The following CHL1 variants were observed in gnomAD, a reference collection of about 807,000 sequenced individuals.
CHL1 encodes neural cell adhesion molecule L1-like protein.
In CHL1, 96 loss-of-function variants were observed where a neutral mutation model predicts 141.9. That is an observed-to-expected ratio of 0.68 (90% CI 0.57 to 0.80). The LOEUF is 0.80. Among genes scored for constraint, CHL1 ranks in the 30% least tolerant of loss-of-function variants. The pLI is 0.00. For synonymous variants in CHL1, 613 were observed against 502.2 expected (o/e 1.22, Z -2.95); for missense variants, 1,820 against 1,457.2 (o/e 1.25, Z -4.05).
intron 15 of CHL1, among the ~76,000 whole-genome samples, chr3:367,342 C>A (rs893973107): frequency 8.5e-5 from 13 of 152,196 alleles, no homozygotes; most frequent in African/African-American, 2.9e-4. Context: ...CATGAGACAG[C>A]AACACTGCCA....
chr3:409,244 G>A lies in CHL1; in HGVS notation c.*3533G>A, dbSNP rs953790228. On this transcript the variant is annotated 3_prime_UTR_variant, in exon 28 of 28. Transcript: ENST00000256509. ...AAAGGTATGTAGAACAGGTTCACGT[G>A]ATTACCTTTTTCTTTTGGCTTGGAT... The A allele has an allele frequency of 3.3e-5, 5 of 152,048 alleles. No homozygotes were observed. The highest frequency in any genetic ancestry group is 1.2e-4 in the African/African-American group (5 of 41,430). 9.4% of individuals were successfully genotyped at this position (152,048 alleles called of 1,614,324 possible).
intron 27 of CHL1, among the ~76,000 whole-genome samples, chr3:403,638 C>A (rs549156380): frequency 6.6e-6 from 1 of 152,196 alleles, no homozygotes; most frequent in Admixed American, 6.6e-5. Flanking sequence ...AAAACAAAAA[C>A]AATGCCTTGT....
At position 382,595 on chromosome 3, in the gene CHL1, C is replaced by T. The variant is rs61753583; in HGVS notation, c.2100C>T (p.Phe700=). 454 of 1,613,920 alleles carry T rather than the reference C, an allele frequency of 2.8e-4. No homozygotes were observed. The African/African-American group carries it at 5.2e-3, about 19-fold the overall frequency. The change falls in exon 18 of 28, where the codon TTC becomes TTT. Residue 700 remains phenylalanine, a synonymous_variant. Transcript: ENST00000256509. The part of the protein sequence containing the change: ...LPLAPFVRYQ[F]RVIAVNEVGR... Reference sequence around the variant, plus strand: ...TGGCTCCATTTGTGAGATACCAGTTCAGGGTCATAGCCGTGAACGAAGTAG... The same window carrying T: ...TGGCTCCATTTGTGAGATACCAGTTTAGGGTCATAGCCGTGAACGAAGTAG...
rs1406502455 is a variant in CHL1, at chr3:390,604, C to A, written c.2471-97C>A. 1.3e-5 allele frequency: 9 copies of A among 695,356 alleles called. No homozygotes were observed. The East Asian group carries it at 2.4e-4, about 18-fold the overall frequency. The allele number at this position is 695,356 out of a possible 1,614,324, so 43.1% of individuals were successfully genotyped here. ...ATTTGGAGTGAATTTCACAAAAGTG[C>A]TTTCTCCAGAAGAAACATTATGAAA... On this transcript the variant is annotated intron_variant, in intron 20 of 27. Transcript: ENST00000256509.
chr3:290,641 A>G (rs940164627), intron 2 of CHL1, among the ~76,000 whole-genome samples: 6 of 152,184 alleles, frequency 3.9e-5, no homozygotes, highest in African/African-American at 1.4e-4. Context: ...CCCTGTTCCT[A>G]GAGTACAGTA....
chr3:373,438 G>C (rs758098438), intron 15 of CHL1, among the ~76,000 whole-genome samples: 1 of 152,236 alleles, frequency 6.6e-6, no homozygotes, highest in African/African-American at 2.4e-5. Flanking sequence ...TGTGGGGGAC[G>C]TGTCTTGGGA....
chr3:373,207 C>G (rs573133823), intron 15 of CHL1, among the ~76,000 whole-genome samples: 142 of 152,348 alleles, frequency 9.3e-4, no homozygotes, highest in Non-Finnish European at 1.5e-3. Flanking sequence ...CAGGAGGAGA[C>G]GCTAAGTCTG....
intron 13 of CHL1, among the ~76,000 whole-genome samples, chr3:362,336 A>G (rs1270015284): frequency 6.6e-6 from 1 of 152,172 alleles, no homozygotes; most frequent in Non-Finnish European, 1.5e-5. Flanking sequence ...TAGTTCTTGA[A>G]TAATTTTGTC....
At chr3:286,835 C>A (rs967854256) in intron 2 of CHL1, among the ~76,000 whole-genome samples, 1 of 152,078 alleles carries the variant, frequency 6.6e-6, no homozygotes, top group South Asian at 2.1e-4. Context: ...AACTTTCTGA[C>A]GTTGCCATGG....
At chr3:224,995 G>A (rs1473691233) in intron 1 of CHL1, among the ~76,000 whole-genome samples, 1 of 152,080 alleles carries the variant, frequency 6.6e-6, no homozygotes, top group Non-Finnish European at 1.5e-5. Context: ...AATTAGCCAG[G>A]TGTGGTGGCT....
chr3:322,897 G>GCAAAA (rs1303182325), intron 3 of CHL1, among the ~76,000 whole-genome samples: 1 of 150,856 alleles, frequency 6.6e-6, no homozygotes, highest in Non-Finnish European at 1.5e-5. Context: ...TCAAAACAAA[G>GCAAAA]CAAAACAAAA....
chr3:330,244 C>G (rs1292262698), intron 5 of CHL1, among the ~76,000 whole-genome samples: 1 of 151,984 alleles, frequency 6.6e-6, no homozygotes, highest in Non-Finnish European at 1.5e-5. Flanking sequence ...AGTCTTAGGT[C>G]AAGTACCAAA....
chr3:283,848 T>A (rs1225589353), intron 2 of CHL1, among the ~76,000 whole-genome samples: 5 of 152,182 alleles, frequency 3.3e-5, no homozygotes. Flanking sequence ...CCACCCCAGT[T>A]GAGAACAGCT....
At chr3:258,263 A>G (rs528461546) in intron 2 of CHL1, among the ~76,000 whole-genome samples, 1 of 152,342 alleles carries the variant, frequency 6.6e-6, no homozygotes, top group East Asian at 1.9e-4. Flanking sequence ...ATTATTATGA[A>G]TCATAGAATT....
At chr3:284,076 G>A (rs564578962) in intron 2 of CHL1, among the ~76,000 whole-genome samples, 3 of 152,212 alleles carry the variant, frequency 2.0e-5, no homozygotes, top group African/African-American at 7.2e-5. Flanking sequence ...CCAGGTAGAG[G>A]GGATACATTC....
chr3:348,371 T>C (rs913750548), intron 9 of CHL1, among the ~76,000 whole-genome samples: 2 of 152,172 alleles, frequency 1.3e-5, no homozygotes, highest in African/African-American at 4.8e-5. Context: ...AAGTGTTGCA[T>C]CAATAAAATT....
intron 5 of CHL1, among the ~76,000 whole-genome samples, chr3:328,790 T>G (rs1265360398): frequency 6.6e-6 from 1 of 152,164 alleles, no homozygotes; most frequent in Non-Finnish European, 1.5e-5. Flanking sequence ...CGTCATTCTG[T>G]GGTTGCCTCT....
chr3:353,654 C>T (rs1214228285), intron 10 of CHL1, among the ~76,000 whole-genome samples: 1 of 152,154 alleles, frequency 6.6e-6, no homozygotes, highest in Non-Finnish European at 1.5e-5. Flanking sequence ...TTTACATAAT[C>T]CTCTTTTTCT....
intron 2 of CHL1, among the ~76,000 whole-genome samples, chr3:300,953 G>T (rs962950594): frequency 2.6e-5 from 4 of 152,130 alleles, no homozygotes; most frequent in African/African-American, 9.7e-5. Context: ...GAAGTTAAAA[G>T]AACATGTAAT....
Sources: allele counts gnomAD v4.1 joint callset (sites outside exome capture counted in the v4.1 genomes callset), GRCh38; gene constraint gnomAD v4.1.1; transcripts MANE v1.5; gene names NCBI Gene and HGNC (gene_info 2026-07-23, HGNC 2026-07-21).